The following RFX3 variants were observed in gnomAD, a reference collection of about 807,000 sequenced individuals.
RFX3 encodes the protein regulatory factor X3.
A neutral mutation model predicts 98.6 loss-of-function variants in RFX3; 14 were observed. The ratio of observed to expected loss-of-function variants is 0.14; its 90% CI spans 0.09 to 0.22. The LOEUF (loss-of-function observed/expected upper bound fraction) is 0.22, where lower values mean the gene tolerates loss of function less well. Among genes scored for constraint, RFX3 ranks in the 10% least tolerant of loss-of-function variants. RFX3 has a pLI of 1.00. For missense variants in RFX3, 639 were observed against 926.9 expected (o/e 0.69, Z 4.03); for synonymous variants, 383 against 328.4 (o/e 1.17, Z -1.80).
intron 3 of RFX3, among the ~76,000 whole-genome samples, chr9:3,331,630 C>A (rs567904355): frequency 6.6e-6 from 1 of 152,018 alleles, no homozygotes; most frequent in East Asian, 1.9e-4. Context: ...CTATGGCTCT[C>A]CTTTTCCACT....
intron 1 of RFX3, among the ~76,000 whole-genome samples, chr9:3,435,042 T>TA (rs1564097606): frequency 6.6e-6 from 1 of 151,712 alleles, no homozygotes; most frequent in South Asian, 2.1e-4. Context: ...GCATAAGAGA[T>TA]AAAAAATGGT....
chr9:3,341,311 G>A (rs1366005986), intron 3 of RFX3, among the ~76,000 whole-genome samples: 5 of 151,916 alleles, frequency 3.3e-5, no homozygotes, highest in African/African-American at 4.8e-5. Context: ...GCTAAATGAC[G>A]AGTTAATGGG....
At chr9:3,341,214 T>C (rs1833849468) in intron 3 of RFX3, among the ~76,000 whole-genome samples, 1 of 150,136 alleles carries the variant, frequency 6.7e-6, no homozygotes, top group Non-Finnish European at 1.5e-5. Flanking sequence ...TGAGAACACA[T>C]GGACACAGGA....
At chr9:3,525,119 C>T (rs1164778616) in intron 1 of RFX3, among the ~76,000 whole-genome samples, 7 of 151,618 alleles carry the variant, frequency 4.6e-5, no homozygotes, top group Non-Finnish European at 1.0e-4. Context: ...GAAGAGCAGC[C>T]CATTCAGCAC....
chr9:3,434,967 G>C (rs532660077), intron 1 of RFX3, among the ~76,000 whole-genome samples: 2 of 151,822 alleles, frequency 1.3e-5, no homozygotes, highest in South Asian at 2.1e-4. Flanking sequence ...GAATATTATA[G>C]GCAATTGAAA....
chr9:3,247,460 G>A (rs529537600), intron 15 of RFX3: 13 of 662,820 alleles, frequency 2.0e-5, no homozygotes, highest in South Asian at 6.0e-5. Context: ...CATAAACCTC[G>A]GATGCTTATT....
intron 1 of RFX3, among the ~76,000 whole-genome samples, chr9:3,418,072 A>G (rs1328660799): frequency 1.3e-5 from 2 of 152,214 alleles, no homozygotes; most frequent in Admixed American, 6.5e-5. Flanking sequence ...TATATTTCAC[A>G]TAGCACAATG....
chr9:3,232,941 T>C lies in RFX3; in HGVS notation c.1969-4052A>G, dbSNP rs1046658791. 2.0e-5 allele frequency among the ~76,000 whole-genome samples: 3 copies of C among 152,146 alleles called. No homozygotes were observed. The East Asian group carries it at 5.8e-4, about 29-fold the overall frequency. On this transcript the variant is annotated intron_variant, in intron 15 of 16. Coordinates refer to ENST00000617270, the MANE Select transcript of RFX3 (RefSeq NM_001282116.2). The stretch of plus-strand genomic sequence containing the variant: ...AAAAGTACTCTGGAGTTAGAAAGTA[T>C]ATGGCCTTCAATGTATGAATTCACA...
intron 1 of RFX3, among the ~76,000 whole-genome samples, chr9:3,424,398 G>A (rs1385118786): frequency 9.4e-6 from 1 of 106,282 alleles, no homozygotes; most frequent in African/African-American, 3.8e-5. Context: ...GTCTCGCTCT[G>A]TCGCCCAGGC....
chr9:3,399,512 G>A lies in RFX3; in HGVS notation c.-8-3916C>T, dbSNP rs1045061424. Among the ~76,000 whole-genome samples the A allele has an allele frequency of 2.4e-4, 36 of 152,082 alleles. 1 individual carries two copies. Among genetic ancestry groups the A allele is most frequent in the Admixed American group, 2.2e-3 (33 of 15,278 alleles). ...AAACATCTGAAAATTTTAAAGAGGT[G>A]AGCACATATTATGTGTTCTATAGGC... On this transcript the variant is annotated intron_variant, in intron 1 of 16. Coordinates refer to ENST00000617270, the MANE Select transcript of RFX3 (RefSeq NM_001282116.2).
chr9:3,412,501 T>C (rs1202562850), intron 1 of RFX3, among the ~76,000 whole-genome samples: 1 of 152,220 alleles, frequency 6.6e-6, no homozygotes, highest in Non-Finnish European at 1.5e-5. Context: ...TATTAATTCA[T>C]TTAGTTATTT....
At chr9:3,434,119 C>T (rs1254726119) in intron 1 of RFX3, among the ~76,000 whole-genome samples, 4 of 152,002 alleles carry the variant, frequency 2.6e-5, no homozygotes, top group Non-Finnish European at 5.9e-5. Flanking sequence ...AGTTGACTGA[C>T]GATACTATTC....
chr9:3,244,274 G>A (rs1316864394), intron 15 of RFX3, among the ~76,000 whole-genome samples: 1 of 152,046 alleles, frequency 6.6e-6, no homozygotes, highest in African/African-American at 2.4e-5. Flanking sequence ...CCAAAGTGCT[G>A]GGATTACAGG....
At chr9:3,500,889 T>C (rs1180383957) in intron 1 of RFX3, among the ~76,000 whole-genome samples, 2 of 152,168 alleles carry the variant, frequency 1.3e-5, no homozygotes, top group African/African-American at 4.8e-5. Flanking sequence ...GATCTGATCT[T>C]AAAGAATCAA....
intron 2 of RFX3, among the ~76,000 whole-genome samples, chr9:3,365,451 T>C (rs1243240369): frequency 6.6e-6 from 1 of 151,996 alleles, no homozygotes; most frequent in East Asian, 1.9e-4. Flanking sequence ...CAAAAGACTT[T>C]TACTTTAGAG....
intron 4 of RFX3, among the ~76,000 whole-genome samples, chr9:3,319,890 T>G (rs1223511369): frequency 2.7e-4 from 40 of 149,420 alleles, no homozygotes; most frequent in Non-Finnish European, 1.5e-5. Flanking sequence ...AATACATAAA[T>G]ACAAATACAA....
intron 4 of RFX3, among the ~76,000 whole-genome samples, chr9:3,323,005 G>C (rs566503418): frequency 1.3e-5 from 2 of 152,270 alleles, no homozygotes; most frequent in South Asian, 4.1e-4. Flanking sequence ...TTAAGTGTAT[G>C]TGTAAAATTA....
intron 1 of RFX3, among the ~76,000 whole-genome samples, chr9:3,427,772 GGTA>G (rs1844257304): frequency 6.6e-6 from 1 of 151,952 alleles, no homozygotes; most frequent in South Asian, 2.1e-4. Context: ...GGAACTCTCT[GGTA>G]AGCCCACAGT....
intron 15 of RFX3, among the ~76,000 whole-genome samples, chr9:3,237,956 G>C (rs1280311983): frequency 1.4e-5 from 2 of 145,098 alleles, no homozygotes; most frequent in African/African-American, 5.2e-5. Flanking sequence ...TTGGGTGACA[G>C]AGCAAGACCC....
Sources: allele counts gnomAD v4.1 joint callset (sites outside exome capture counted in the v4.1 genomes callset), GRCh38; gene constraint gnomAD v4.1.1; transcripts MANE v1.5; gene names NCBI Gene and HGNC (gene_info 2026-07-23, HGNC 2026-07-21).